The following BIRC2 variants were observed in gnomAD, a reference collection of about 807,000 sequenced individuals.
BIRC2 encodes baculoviral IAP repeat-containing protein 2.
Under a neutral mutation model 60.9 loss-of-function variants are expected in BIRC2, and 18 were observed. That is an observed-to-expected ratio of 0.30 (90% CI 0.20 to 0.44). BIRC2 has a LOEUF of 0.44. Ranked by LOEUF, BIRC2 falls within the 20% of genes least tolerant of loss-of-function variation. The probability of loss-of-function intolerance (pLI) is 1.00; values close to 1 mark genes in which losing one functional copy is unlikely to be tolerated. For missense variants in BIRC2, 701 were observed against 728.5 expected (o/e 0.96, Z 0.43); for synonymous variants, 282 against 247.7 (o/e 1.14, Z -1.30).
At chr11:102,364,139 T>TTTTATATATATATA (rs1243245141) in intron 5 of BIRC2, among the ~76,000 whole-genome samples, 7 of 61,404 alleles carry the variant, frequency 1.1e-4, no homozygotes, top group Admixed American at 2.0e-4. Context: ...CTAATAAATA[T>TTTTATATATATATA]TATATATATA....
At position 102,378,567 on chromosome 11, in the gene BIRC2, C is replaced by T. The variant is rs747625230; in HGVS notation, c.*384C>T. On this transcript the variant is annotated 3_prime_UTR_variant, in exon 9 of 9. Coordinates refer to ENST00000227758, the MANE Select transcript of BIRC2 (RefSeq NM_001166.5). Reference sequence around the variant, plus strand: ...CTGGAGTTCATCAGAGTTATGGTGCCGAATTGTCTTTGGTGCTTTTCACTT... The same window carrying T: ...CTGGAGTTCATCAGAGTTATGGTGCTGAATTGTCTTTGGTGCTTTTCACTT... 3.2e-4 allele frequency: 50 copies of T among 155,288 alleles called. No individual in the cohort carries two copies. Among genetic ancestry groups the T allele is most frequent in the Non-Finnish European group, 4.4e-4 (31 of 70,290 alleles). The allele number at this position is 155,288 out of a possible 1,614,324, so 9.6% of individuals were successfully genotyped here. A position where few individuals can be genotyped will look rare whatever the true frequency, so the allele number is the denominator to read the frequency against.
At chr11:102,373,314 C>T (rs1339195330) in intron 6 of BIRC2, among the ~76,000 whole-genome samples, 1 of 152,114 alleles carries the variant, frequency 6.6e-6, no homozygotes, top group African/African-American at 2.4e-5. Flanking sequence ...ACCGGTTGTT[C>T]CTTTCCATGT....
Position 102,348,769 on chromosome 11 carries a change from G to C in BIRC2, c.-1086G>C, listed in dbSNP as rs1384085323. The C allele has an allele frequency of 2.7e-6, 1 of 367,518 alleles. No individual in the cohort carries two copies. The highest frequency in any genetic ancestry group is 3.9e-5 in the Admixed American group (1 of 25,828). The allele number at this position is 367,518 out of a possible 1,614,324, so 22.8% of individuals were successfully genotyped here. On this transcript the variant is annotated 5_prime_UTR_variant, in exon 2 of 9. An upstream open reading frame in the 5' UTR loses its in-frame stop. Coordinates refer to ENST00000227758, the MANE Select transcript of BIRC2 (RefSeq NM_001166.5). The stretch of plus-strand genomic sequence containing the variant: ...TGAAGAGTTTTCAGAAAGAAGGCTA[G>C]TAGAGTTGATTACTGATACTTTATG...
rs1234409620 is a variant in BIRC2 at position 102,378,250 on chromosome 11, A to T, written c.*67A>T. 6 of 1,236,882 alleles carry T rather than the reference A, an allele frequency of 4.9e-6. No homozygotes were observed. The highest frequency in any genetic ancestry group is 2.4e-4 in the Middle Eastern group (1 of 4,086). 76.6% of individuals were successfully genotyped at this position (1,236,882 alleles called of 1,614,324 possible). A position where few individuals can be genotyped will look rare whatever the true frequency, so the allele number is the denominator to read the frequency against. On this transcript the variant is annotated 3_prime_UTR_variant, in exon 9 of 9. Transcript: ENST00000227758. ...AAAATATTGTTGAACACTTGAAGCC[A>T]TCTAAAGTAAAAAGGGAATTATGAG...
In BIRC2 at chr11:102,378,049, A is replaced by C. The variant is rs1009099315; in HGVS notation, c.1723A>C (p.Met575Leu). 1.2e-6 allele frequency: 2 copies of C among 1,613,636 alleles called. No individual in the cohort carries two copies. The highest frequency in any genetic ancestry group is 3.3e-5 in the Admixed American group (2 of 59,984). ...AGAAGAACGAACTTGTAAAGTGTGT[A>C]TGGACAAAGAAGTTTCTGTTGTATT... ...LQEERTCKVCMDKEVSVVFIP... is the reference protein window; with the variant it reads ...LQEERTCKVCLDKEVSVVFIP... The change falls in exon 9 of 9, where the codon ATG becomes CTG. Residue 575 changes from methionine (M) to leucine (L), a missense_variant. This residue lies in a region of BIRC2 where 52 missense variants were observed against 83.9 expected (regional missense o/e 0.62). Transcript: ENST00000227758.
At chr11:102,351,067 CCTT>C (rs746691199) in intron 3 of BIRC2, 124 bp downstream of exon 3, 137 of 857,258 alleles carry the variant, frequency 1.6e-4, no homozygotes, top group Non-Finnish European at 2.3e-4. Context: ...GGGGAATTAT[CCTT>C]CTAAAAGATC....
At chr11:102,366,192 T>C (rs1439235587) in intron 5 of BIRC2, among the ~76,000 whole-genome samples, 1 of 152,212 alleles carries the variant, frequency 6.6e-6, no homozygotes, top group African/African-American at 2.4e-5. Context: ...GTTCCTTCTT[T>C]GGTCTTCCCC....
intron 6 of BIRC2, among the ~76,000 whole-genome samples, chr11:102,375,868 G>C (rs1289166291): frequency 6.6e-6 from 1 of 152,030 alleles, no homozygotes; most frequent in African/African-American, 2.4e-5. Context: ...CTGTAAAATG[G>C]GGATAATAAT....
At chr11:102,376,255 T>A (rs1028207216) in intron 6 of BIRC2, among the ~76,000 whole-genome samples, 2 of 152,194 alleles carry the variant, frequency 1.3e-5, no homozygotes, top group Non-Finnish European at 2.9e-5. Flanking sequence ...ACCTGACTGC[T>A]ACCTAGATTA....
chr11:102,367,205 A>G (rs1951562966), intron 5 of BIRC2, among the ~76,000 whole-genome samples: 1 of 152,192 alleles, frequency 6.6e-6, no homozygotes, highest in Admixed American at 6.5e-5. Flanking sequence ...CTAGGTATAT[A>G]CCAGTTTAGT....
chr11:102,376,359 G>T lies in BIRC2; in HGVS notation c.1367-1137G>T, dbSNP rs35429627. Among the ~76,000 whole-genome samples the T allele has an allele frequency of 6.8e-3, 1,030 of 152,286 alleles. 12 individuals carry two copies. Among genetic ancestry groups the T allele is most frequent in the African/African-American group, 0.023 (943 of 41,554 alleles). ...TCTTGAAAAGGTGAAGAACAAATTG[G>T]TTAGCAGTGAGAGGAATTATTTAGG... On this transcript the variant is annotated intron_variant, in intron 6 of 8. Transcript: ENST00000227758.
At position 102,377,859 on chromosome 11, in the gene BIRC2, G is replaced by T. The variant is rs774118212; in HGVS notation, c.1624G>T (p.Asp542Tyr). ...DSTLYKNLFV[D>Y]KNMKYIPTED... ...GTTTTTATGTTTTCTTTCCTCAGTG[G>T]ATAAGAATATGAAGTATATTCCAAC... The change falls in exon 8 of 9, where the codon GAT (aspartate) becomes TAT (tyrosine). Residue 542 changes from aspartate to tyrosine, a missense_variant and splice_region_variant. By Grantham distance (160) the Asp-to-Tyr change is radical. Coordinates refer to ENST00000227758, the MANE Select transcript of BIRC2 (RefSeq NM_001166.5). 3 of 1,608,062 alleles carry T rather than the reference G, an allele frequency of 1.9e-6. No homozygotes were observed. In the South Asian group the frequency reaches 3.4e-5, roughly 18 times the overall value.
At chr11:102,352,747 G>A (rs1951378754) in intron 3 of BIRC2, among the ~76,000 whole-genome samples, 1 of 152,034 alleles carries the variant, frequency 6.6e-6, no homozygotes, top group Non-Finnish European at 1.5e-5. Context: ...TTCTATTTCT[G>A]TCTCTATGAA....
Position 102,357,307 on chromosome 11 carries a change from T to C in BIRC2, c.996-5589T>C, listed in dbSNP as rs1300565279. On this transcript the variant is annotated intron_variant, in intron 3 of 8. Transcript: ENST00000227758. ...TCTTCCTTCTTCCTCCTCCTCCCTT[T>C]TCTTTCTTCTTCCTCCTTCTTTCCT... Among the ~76,000 whole-genome samples the C allele has an allele frequency of 4.6e-5, 7 of 151,026 alleles. No homozygotes were observed. In the East Asian group the frequency reaches 1.4e-3, roughly 30 times the overall value.
At chr11:102,364,190 G>C (rs535538171) in intron 5 of BIRC2, among the ~76,000 whole-genome samples, 2,618 of 89,236 alleles carry the variant, frequency 0.029, 27 homozygotes, top group Non-Finnish European at 0.04. Flanking sequence ...CACACACAGA[G>C]AGAGAGAGAG....
At chr11:102,363,743 G>C (rs1437674422) in intron 5 of BIRC2, 27 bp downstream of exon 5, 5 of 1,582,674 alleles carry the variant, frequency 3.2e-6, no homozygotes, top group South Asian at 1.1e-5. Flanking sequence ...TTTAAGTATA[G>C]AGTGTAAATT....
At chr11:102,374,078 T>C (rs1250048449) in intron 6 of BIRC2, among the ~76,000 whole-genome samples, 1 of 144,034 alleles carries the variant, frequency 6.9e-6, no homozygotes, top group Non-Finnish European at 1.5e-5. Flanking sequence ...TCTAAATTTT[T>C]TTCAAAGTTT....
chr11:102,377,553 T>C lies in BIRC2; in HGVS notation c.1424T>C (p.Val475Ala). ...RMALFQQLTC[V>A]LPILDNLLKA... ...GCTCTCTTTCAACAATTGACATGTG[T>C]GCTTCCTATCCTGGATAATCTTTTA... Residue 475 changes from valine (V) to alanine (A), a missense_variant, in exon 7 of 9, where the codon GTG becomes GCG. Coordinates refer to ENST00000227758, the MANE Select transcript of BIRC2 (RefSeq NM_001166.5). 6.2e-7 allele frequency: 1 copy of C among 1,609,238 alleles called. No homozygotes were observed.
intron 5 of BIRC2, among the ~76,000 whole-genome samples, chr11:102,366,322 G>C (rs919683517): frequency 2.0e-5 from 3 of 150,514 alleles, no homozygotes; most frequent in Non-Finnish European, 3.0e-5. Flanking sequence ...TTTCATTTCT[G>C]TCTTCATAAC....
Sources: gnomAD v4.1 joint callset for allele counts (sites outside exome capture counted in the v4.1 genomes callset) on GRCh38, gnomAD v4.1.1 for gene constraint, gnomAD v4.1.1 regional missense constraint, MANE v1.5 for transcripts, NCBI Gene and HGNC (gene_info 2026-07-23, HGNC 2026-07-21) for gene names.